The following B4GALNT2 variants were observed in gnomAD, a reference collection of about 807,000 sequenced individuals.
B4GALNT2 encodes N-acetylneuraminylgalactosylglucosyl-glucoside beta-1,4-N- acetylgalactosaminyltransferase 2.
In B4GALNT2, 42 loss-of-function variants were observed where a neutral mutation model predicts 51.1. The ratio of observed to expected loss-of-function variants is 0.82; its 90% CI spans 0.64 to 1.06. The LOEUF is 1.06. B4GALNT2 is among the 50% of genes least tolerant of loss of function. B4GALNT2 has a pLI of 0.00. For missense variants in B4GALNT2, 602 were observed against 633.6 expected (o/e 0.95, Z 0.54); for synonymous variants, 253 against 251.7 (o/e 1.01, Z -0.05).
At chr17:49,144,392 G>C (rs2042673306) in intron 3 of B4GALNT2, among the ~76,000 whole-genome samples, 1 of 152,212 alleles carries the variant, frequency 6.6e-6, no homozygotes, top group Non-Finnish European at 1.5e-5. Context: ...CCATCAGGAG[G>C]TGTTGAAAGC....
At chr17:49,132,905 G>C (rs1276451975) in intron 1 of B4GALNT2, 99 bp downstream of exon 1, 3 of 1,378,454 alleles carry the variant, frequency 2.2e-6, no homozygotes, top group Non-Finnish European at 2.8e-6. Context: ...CAGGTGCTGG[G>C]GACGCAGACG....
chr17:49,156,490 T>G, intron 4 of B4GALNT2, 76 bp from the exon 5 acceptor site: 952 of 1,500,986 alleles, frequency 6.3e-4, no homozygotes, highest in Non-Finnish European at 8.0e-4. Context: ...CAGGAGTCCA[T>G]GAGGTTGGCG....
chr17:49,169,134 C>T (rs2042938115), intron 10 of B4GALNT2, among the ~76,000 whole-genome samples: 1 of 151,712 alleles, frequency 6.6e-6, no homozygotes, highest in Non-Finnish European at 1.5e-5. Context: ...TTTTCCTTCC[C>T]CTTCCTTTCC....
chr17:49,128,500 C>T (rs928880860), upstream of B4GALNT2, among the ~76,000 whole-genome samples: 3 of 151,910 alleles, frequency 2.0e-5, no homozygotes, highest in African/African-American at 7.3e-5. Flanking sequence ...GAAGGAGAGA[C>T]CTGGGGAAGG....
rs2042955613 is a variant in B4GALNT2, at chr17:49,171,192, G to T, written c.*1464G>T. 4.5e-6 allele frequency: 1 copy of T among 222,388 alleles called. No homozygotes were observed. 13.8% of individuals were successfully genotyped at this position (222,388 alleles called of 1,614,324 possible). A position where few individuals can be genotyped will look rare whatever the true frequency, so the allele number is the denominator to read the frequency against. On this transcript the variant is annotated 3_prime_UTR_variant, in exon 11 of 11. Coordinates refer to ENST00000393354, the MANE Select transcript of B4GALNT2 (RefSeq NM_001159387.2). ...GTTTTCCAAAGTGATAAAAGCAAAG[G>T]CAGCTTTGTCATGGTGAGCTAATTC...
chr17:49,156,462 G>A, intron 4 of B4GALNT2, 104 bp from the exon 5 acceptor site: 1 of 1,242,010 alleles, frequency 8.1e-7, no homozygotes, highest in Middle Eastern at 1.9e-4. Flanking sequence ...GACACTTGAA[G>A]GAGCTCTCAA....
At chr17:49,125,904 C>T in the B4GALNT2 span, among the ~76,000 whole-genome samples, 90 of 149,214 alleles carry the variant, frequency 6.0e-4, no homozygotes, top group Non-Finnish European at 9.6e-4. Context: ...CCCGACCAGC[C>T]GCACCGTCTG....
intron 3 of B4GALNT2, among the ~76,000 whole-genome samples, chr17:49,149,811 T>C (rs2042731802): frequency 6.6e-6 from 1 of 152,200 alleles, no homozygotes; most frequent in Admixed American, 6.5e-5. Context: ...TTGATAGATA[T>C]TGCCAAATTT....
rs2042960141 is a variant in B4GALNT2, at chr17:49,171,940, G to A, written c.*2212G>A. 3.4e-6 allele frequency: 1 copy of A among 289,982 alleles called. No individual in the cohort carries two copies. Among genetic ancestry groups the A allele is most frequent in the Non-Finnish European group, 6.6e-6 (1 of 152,038 alleles). The allele number at this position is 289,982 out of a possible 1,614,324, so 18.0% of individuals were successfully genotyped here. On this transcript the variant is annotated 3_prime_UTR_variant, in exon 11 of 11. Transcript: ENST00000393354. ...AAGAGCAGAAAGCATGTGTAACTGTGTCACACAGTGATTACATCCAGGCAT... is the reference window on the plus strand; with the variant it reads ...AAGAGCAGAAAGCATGTGTAACTGTATCACACAGTGATTACATCCAGGCAT...
chr17:49,122,144 T>C, the B4GALNT2 span, among the ~76,000 whole-genome samples: 72 of 152,284 alleles, frequency 4.7e-4, 1 homozygote, highest in Middle Eastern at 0.027. Context: ...GGATTTATCT[T>C]ATGGTTGGAA....
chr17:49,127,465 A>G (rs1217201953), upstream of B4GALNT2, among the ~76,000 whole-genome samples: 1 of 152,218 alleles, frequency 6.6e-6, no homozygotes. Context: ...TAAGTTTTAA[A>G]GATTAAAGTC....
In B4GALNT2 at chr17:49,164,134, C is replaced by T. The variant is rs745364695; in HGVS notation, c.813C>T (p.Leu271=). The T allele has an allele frequency of 6.2e-7, 1 of 1,614,136 alleles. No individual in the cohort carries two copies. The highest frequency in any genetic ancestry group is 1.3e-5 in the African/African-American group (1 of 75,056). ...NLVTIATKTF[L]RPHKLMIMLR... is the part of the protein sequence containing the mutation. ...TTACCATTGCTACCAAGACTTTCCTCCGCCCCCACAAGCTCATGATCATGC... is the reference window on the plus strand; with the variant it reads ...TTACCATTGCTACCAAGACTTTCCTTCGCCCCCACAAGCTCATGATCATGC... The change falls in exon 8 of 11, where the codon CTC becomes CTT. Residue 271 remains leucine (L), a synonymous_variant. Coordinates refer to ENST00000393354, the MANE Select transcript of B4GALNT2 (RefSeq NM_001159387.2).
At chr17:49,125,875 T>TG in the B4GALNT2 span, among the ~76,000 whole-genome samples, 16 of 117,890 alleles carry the variant, frequency 1.4e-4, no homozygotes, top group Non-Finnish European at 2.5e-4. Flanking sequence ...GGGAGGGAGG[T>TG]GGGGGGGTCG....
chr17:49,124,585 T>A, the B4GALNT2 span, among the ~76,000 whole-genome samples: 572 of 152,278 alleles, frequency 3.8e-3, 4 homozygotes, highest in African/African-American at 0.013. Context: ...AATAACATAT[T>A]TATACAAATA....
rs762167394 is a variant in B4GALNT2, at chr17:49,171,609, A to G, written c.*1881A>G. On this transcript the variant is annotated 3_prime_UTR_variant, in exon 11 of 11. Transcript: ENST00000393354. ...CACTATACCGCCACGTTTCCAGATA[A>G]TGGGAACTCTTGCTGTATTTCTTAC... 1 of 405,706 alleles carries G rather than the reference A, an allele frequency of 2.5e-6. No homozygotes were observed. Among genetic ancestry groups the G allele is most frequent in the Non-Finnish European group, 4.8e-6 (1 of 210,184 alleles). The allele number at this position is 405,706 out of a possible 1,614,324, so 25.1% of individuals were successfully genotyped here. A position where few individuals can be genotyped will look rare whatever the true frequency, so the allele number is the denominator to read the frequency against.
chr17:49,133,851 G>T (rs1331580754), intron 1 of B4GALNT2, among the ~76,000 whole-genome samples: 4 of 152,198 alleles, frequency 2.6e-5, no homozygotes, highest in Admixed American at 1.3e-4. Flanking sequence ...AGCAGAGGTT[G>T]CAGTGAGCCG....
chr17:49,152,899 C>A lies in B4GALNT2; in HGVS notation c.453C>A (p.Pro151=), dbSNP rs1288751313. Residue 151 remains proline, a synonymous_variant, in exon 4 of 11, where the codon CCC becomes CCA. Coordinates refer to ENST00000393354, the MANE Select transcript of B4GALNT2 (RefSeq NM_001159387.2). ...GVEVMPLHTV[P]IPGLQFEGPD... is the part of the protein sequence containing the mutation. ...AGGTGATGCCCCTGCACACGGTTCC[C>A]ATCCCAGGTAAGTACATCCACATAC... 1.2e-6 allele frequency: 2 copies of A among 1,608,394 alleles called. No homozygotes were observed. The highest frequency in any genetic ancestry group is 1.7e-6 in the Non-Finnish European group (2 of 1,176,812).
rs1318112623 is a variant in B4GALNT2, at chr17:49,172,515, A to C, written c.*2787A>C. 1 of 153,678 alleles carries C rather than the reference A, an allele frequency of 6.5e-6. No homozygotes were observed. Among genetic ancestry groups the C allele is most frequent in the East Asian group, 1.9e-4 (1 of 5,212 alleles). 9.5% of individuals were successfully genotyped at this position (153,678 alleles called of 1,614,324 possible). ...AGGCTCAAAAAATTTAAAGTCAATA[A>C]TGCTAGAATCAATTGCATATGGGGT... On this transcript the variant is annotated 3_prime_UTR_variant, in exon 11 of 11. Coordinates refer to ENST00000393354, the MANE Select transcript of B4GALNT2 (RefSeq NM_001159387.2).
intron 9 of B4GALNT2, among the ~76,000 whole-genome samples, chr17:49,168,210 A>G (rs943234140): frequency 1.3e-5 from 2 of 152,210 alleles, no homozygotes; most frequent in Non-Finnish European, 1.5e-5. Flanking sequence ...CATCTCTTCC[A>G]TGAGTGCATG....
Sources: allele counts gnomAD v4.1 joint callset (sites outside exome capture counted in the v4.1 genomes callset), GRCh38; gene constraint gnomAD v4.1.1; transcripts MANE v1.5; gene names NCBI Gene and HGNC (gene_info 2026-07-23, HGNC 2026-07-21).